Variants in PDZD2 observed in about 807,000 individuals in gnomAD.
PDZD2 encodes the protein PDZ domain containing 2, also known as PDZ domain-containing protein 2.
In PDZD2, 90 loss-of-function variants were observed where a neutral mutation model predicts 220.7. That is an observed-to-expected ratio of 0.41 (90% CI 0.34 to 0.49). PDZD2 has a LOEUF of 0.49. Among genes scored for constraint, PDZD2 ranks in the 20% least tolerant of loss-of-function variants. PDZD2 has a pLI of 0.28. For missense variants in PDZD2, 3,174 were observed against 3,608.5 expected, an observed-to-expected ratio of 0.88 and a Z score of 3.08; for synonymous variants, 1,375 against 1,450.5, an observed-to-expected ratio of 0.95 and a Z score of 1.18.
At chr5:31,841,192 T>C (rs1443605017) in intron 2 of PDZD2, among the ~76,000 whole-genome samples, 1 of 122,248 alleles carries the variant, frequency 8.2e-6, no homozygotes, top group Non-Finnish European at 1.9e-5. Flanking sequence ...TCCTGAACTT[T>C]CTCTGTGCAC....
intron 6 of PDZD2, among the ~76,000 whole-genome samples, chr5:32,018,514 A>G (rs184546061): frequency 6.6e-6 from 1 of 152,244 alleles, no homozygotes; most frequent in East Asian, 1.9e-4. Context: ...ATGAGCACAG[A>G]CTGGCTTGCA....
intron 2 of PDZD2, among the ~76,000 whole-genome samples, chr5:31,867,189 A>G (rs1738301726): frequency 6.6e-6 from 1 of 152,156 alleles, no homozygotes; most frequent in African/African-American, 2.4e-5. Context: ...CTGGCTGCAA[A>G]TGCAAACCAG....
intron 2 of PDZD2, among the ~76,000 whole-genome samples, chr5:31,977,966 T>TTAAAGAGA (rs1749936675): frequency 6.6e-6 from 1 of 152,202 alleles, no homozygotes; most frequent in South Asian, 2.1e-4. Flanking sequence ...AGAGTGAGAC[T>TTAAAGAGA]GTGTCTCTTA....
At chr5:31,666,219 A>T (rs1745982129) in intron 1 of PDZD2, among the ~76,000 whole-genome samples, 1 of 152,202 alleles carries the variant, frequency 6.6e-6, no homozygotes, top group Admixed American at 6.5e-5. Flanking sequence ...GGACATGGTT[A>T]TCCAGCCAGC....
At chr5:32,012,125 G>A in intron 6 of PDZD2, among the ~76,000 whole-genome samples, 1 of 152,088 alleles carries the variant, frequency 6.6e-6, no homozygotes, top group Admixed American at 6.6e-5. Flanking sequence ...TCCAGCCCAG[G>A]GGGTTCCTCA....
intron 2 of PDZD2, among the ~76,000 whole-genome samples, chr5:31,939,015 T>C (rs938259828): frequency 6.6e-6 from 1 of 152,192 alleles, no homozygotes; most frequent in Admixed American, 6.5e-5. Flanking sequence ...CCATCTTTCC[T>C]CCTATATTTG....
chr5:31,663,368 C>A (rs1011381874), intron 1 of PDZD2, among the ~76,000 whole-genome samples: 5 of 152,172 alleles, frequency 3.3e-5, no homozygotes, highest in African/African-American at 9.7e-5. Context: ...TTTGGTAGGA[C>A]TTTTCCCCAC....
chr5:31,725,080 C>T (rs2150150902), intron 1 of PDZD2, among the ~76,000 whole-genome samples: 1 of 152,212 alleles, frequency 6.6e-6, no homozygotes, highest in Non-Finnish European at 1.5e-5. Context: ...TCTGTAATCC[C>T]AGCATTCTGG....
chr5:32,000,396 T>C lies in PDZD2; in HGVS notation c.1254+125T>C. On this transcript the variant is annotated intron_variant, in intron 5 of 24. Transcript: ENST00000438447. This position sits in a 1 kb window ranked among gnomAD's most constrained non-coding sequence, Gnocchi z 4.5. Reference sequence around the variant, plus strand: ...CACTTGTACGTTTGCCTTGGGCTATTGAAACAGCCTTGCTTCCACAGGGCA... The same window carrying C: ...CACTTGTACGTTTGCCTTGGGCTATCGAAACAGCCTTGCTTCCACAGGGCA... 9.0e-6 allele frequency: 9 copies of C among 1,001,648 alleles called. No individual in the cohort carries two copies. The South Asian group carries it at 1.3e-4, about 15-fold the overall frequency. 62.0% of individuals were successfully genotyped at this position (1,001,648 alleles called of 1,614,324 possible). A position where few individuals can be genotyped will look rare whatever the true frequency, so the allele number is the denominator to read the frequency against.
chr5:31,675,524 TA>T (rs1200331835), intron 1 of PDZD2, among the ~76,000 whole-genome samples: 4 of 152,196 alleles, frequency 2.6e-5, no homozygotes, highest in African/African-American at 7.2e-5. Context: ...GGCATTGTAC[TA>T]AGCACTTTGC....
intron 2 of PDZD2, among the ~76,000 whole-genome samples, chr5:31,952,726 TA>T (rs1243437025): frequency 6.6e-6 from 1 of 151,976 alleles, no homozygotes; most frequent in East Asian, 1.9e-4. Context: ...AAAATTCATA[TA>T]AAAGAGGGGA....
In PDZD2 at chr5:31,799,174, G is replaced by A; in HGVS notation, c.-75G>A. 4 of 960,822 alleles carry A rather than the reference G, an allele frequency of 4.2e-6. No individual in the cohort carries two copies. Among genetic ancestry groups the A allele is most frequent in the Admixed American group, 2.5e-5 (1 of 39,452 alleles). The allele number at this position is 960,822 out of a possible 1,614,324, so 59.5% of individuals were successfully genotyped here. On this transcript the variant is annotated 5_prime_UTR_variant, in exon 2 of 25. Coordinates refer to ENST00000438447, the MANE Select transcript of PDZD2 (RefSeq NM_178140.4). ...AGCTGATGATGGCCAGGGACCCCAG[G>A]GGACGTGGGGCCCTGTGGGGTCTGG...
At chr5:31,738,537 A>G (rs1750046176) in intron 1 of PDZD2, 1 of 152,188 alleles carries the variant, frequency 6.6e-6, no homozygotes, top group Non-Finnish European at 1.5e-5. Flanking sequence ...TATTGCTGCC[A>G]TTTCAAATGG....
intron 1 of PDZD2, among the ~76,000 whole-genome samples, chr5:31,737,079 G>A (rs1193621829): frequency 6.6e-6 from 1 of 151,572 alleles, no homozygotes; most frequent in East Asian, 1.9e-4. Context: ...TTTCTTTATA[G>A]CAATGCAAGA....
chr5:31,786,907 C>G (rs962647363), intron 1 of PDZD2, among the ~76,000 whole-genome samples: 3 of 152,038 alleles, frequency 2.0e-5, no homozygotes, highest in Admixed American at 6.5e-5. Flanking sequence ...ATTATGTACT[C>G]AAAAGTCTAA....
intron 2 of PDZD2, chr5:31,822,838 G>A (rs1450512035): frequency 2.5e-6 from 2 of 805,492 alleles, no homozygotes; most frequent in Middle Eastern, 2.5e-4. Flanking sequence ...GATGTTGATG[G>A]GGAAGTGCAC....
At chr5:31,673,051 A>G (rs1746277721) in intron 1 of PDZD2, among the ~76,000 whole-genome samples, 1 of 152,206 alleles carries the variant, frequency 6.6e-6, no homozygotes, top group South Asian at 2.1e-4. Flanking sequence ...ACGGGGAAAG[A>G]AAAGTGGCTA....
At chr5:31,998,367 C>A (rs1195692457) in intron 4 of PDZD2, among the ~76,000 whole-genome samples, 1 of 152,196 alleles carries the variant, frequency 6.6e-6, no homozygotes, top group Non-Finnish European at 1.5e-5. Context: ...TATCAGAATT[C>A]TCTGGTGTCT....
intron 2 of PDZD2, among the ~76,000 whole-genome samples, chr5:31,943,622 T>C (rs1478352021): frequency 6.6e-6 from 1 of 152,218 alleles, no homozygotes; most frequent in Non-Finnish European, 1.5e-5. Context: ...ACTTGCGTGC[T>C]TAGCTACGTA....
Sources: allele counts gnomAD v4.1 joint callset (sites outside exome capture counted in the v4.1 genomes callset), GRCh38; gene constraint gnomAD v4.1.1; non-coding constraint Gnocchi (gnomAD v3.1); transcripts MANE v1.5; gene names NCBI Gene and HGNC (gene_info 2026-07-23, HGNC 2026-07-21).